The following CPQ variants were observed in gnomAD, a reference collection of about 807,000 sequenced individuals.
CPQ encodes carboxypeptidase Q.
In CPQ, 37 loss-of-function variants were observed where a neutral mutation model predicts 45.7. That is an observed-to-expected ratio of 0.81 (90% CI 0.62 to 1.07). The LOEUF is 1.07. CPQ is among the 50% of genes least tolerant of loss of function. CPQ has a pLI of 0.00. For synonymous variants in CPQ, 186 were observed against 205.8 expected, an observed-to-expected ratio of 0.90 and a Z score of 0.82; for missense variants, 537 against 572.9, an observed-to-expected ratio of 0.94 and a Z score of 0.64.
chr8:97,022,978 GTATATAGTATA>G (rs1586499525), intron 5 of CPQ, among the ~76,000 whole-genome samples: 1 of 45,086 alleles, frequency 2.2e-5, no homozygotes, highest in Non-Finnish European at 7.0e-5. Context: ...TATATATACT[GTATATAGTATA>G]TATATACAGT....
At chr8:96,979,678 A>T (rs915936143) in intron 5 of CPQ, among the ~76,000 whole-genome samples, 1 of 152,154 alleles carries the variant, frequency 6.6e-6, no homozygotes, top group African/African-American at 2.4e-5. Context: ...GGGTTTTTTT[A>T]ATTGCCGTGG....
intron 1 of CPQ, among the ~76,000 whole-genome samples, chr8:96,778,385 G>A (rs1399099505): frequency 6.6e-6 from 1 of 152,046 alleles, no homozygotes; most frequent in Admixed American, 6.6e-5. Flanking sequence ...ATATGATTAT[G>A]CATTCCAGCC....
intron 5 of CPQ, among the ~76,000 whole-genome samples, chr8:97,005,721 T>C (rs1809370147): frequency 6.6e-6 from 1 of 152,144 alleles, no homozygotes; most frequent in Non-Finnish European, 1.5e-5. Flanking sequence ...AGCATATATG[T>C]AACACTAATT....
chr8:96,652,123 A>G (rs1364733944), intron 1 of CPQ, among the ~76,000 whole-genome samples: 1 of 152,042 alleles, frequency 6.6e-6, no homozygotes, highest in Non-Finnish European at 1.5e-5. Flanking sequence ...GGCATTCCCC[A>G]TTTTCCCCAA....
chr8:96,735,594 T>C (rs1201782413), intron 1 of CPQ, among the ~76,000 whole-genome samples: 1 of 152,182 alleles, frequency 6.6e-6, no homozygotes, highest in Non-Finnish European at 1.5e-5. Context: ...AAAAGCTGGG[T>C]CATGTCAACT....
chr8:96,967,311 C>T (rs1411751648), intron 5 of CPQ, among the ~76,000 whole-genome samples: 1 of 152,136 alleles, frequency 6.6e-6, no homozygotes, highest in Non-Finnish European at 1.5e-5. Flanking sequence ...TCTTTAGACC[C>T]ATTTGAATTG....
chr8:96,711,880 C>G (rs942843520), intron 1 of CPQ, among the ~76,000 whole-genome samples: 3 of 152,162 alleles, frequency 2.0e-5, no homozygotes, highest in African/African-American at 7.2e-5. Context: ...AGTCTTAACT[C>G]ATTCCAACAT....
At chr8:96,765,974 G>A (rs1376639943) in intron 1 of CPQ, among the ~76,000 whole-genome samples, 2 of 152,136 alleles carry the variant, frequency 1.3e-5, no homozygotes, top group East Asian at 1.9e-4. Flanking sequence ...GTAATATTGG[G>A]ACCTGTAGGA....
At position 97,098,371 on chromosome 8, in the gene CPQ, A is replaced by G. The variant is rs144053966; in HGVS notation, c.1255+32161A>G. Among the ~76,000 whole-genome samples, 862 of 152,164 alleles carry G rather than the reference A, an allele frequency of 5.7e-3. 6 individuals are homozygous for G. Among genetic ancestry groups the G allele is most frequent in the Non-Finnish European group, 0.01 (711 of 67,998 alleles). ...GTGGCATGTTCTTTCATCAACTCCA[A>G]AGGGCTTTCTCCAGTGCTTTTCCCC... On this transcript the variant is annotated intron_variant, in intron 7 of 7. Transcript: ENST00000220763.
chr8:96,762,915 C>T (rs1810422627), intron 1 of CPQ, among the ~76,000 whole-genome samples: 1 of 151,994 alleles, frequency 6.6e-6, no homozygotes, highest in South Asian at 2.1e-4. Context: ...GCTAGGACTG[C>T]CATAAAGCAT....
chr8:96,726,198 C>T (rs143714469), intron 1 of CPQ, among the ~76,000 whole-genome samples: 8 of 152,156 alleles, frequency 5.3e-5, no homozygotes, highest in Admixed American at 1.3e-4. Context: ...AACAAACCCA[C>T]ACATATGCCC....
rs1356929155 is a variant in CPQ, at chr8:96,784,895, A to T, written c.-3A>T. The T allele has an allele frequency of 6.3e-7, 1 of 1,589,046 alleles. No homozygotes were observed. The highest frequency in any genetic ancestry group is 1.4e-5 in the African/African-American group (1 of 73,056). ...TTAACAAGAAAACCAACTGGAAAAA[A>T]AAATGAAATTCCTTATCTTCGCATT... On this transcript the variant is annotated 5_prime_UTR_variant, in exon 2 of 8. Coordinates refer to ENST00000220763, the MANE Select transcript of CPQ (RefSeq NM_016134.4).
chr8:96,833,199 T>C (rs1219247542), intron 2 of CPQ, among the ~76,000 whole-genome samples: 2 of 152,182 alleles, frequency 1.3e-5, no homozygotes, highest in African/African-American at 4.8e-5. Flanking sequence ...TTCACAGTGA[T>C]AGGTTTTGAC....
intron 5 of CPQ, among the ~76,000 whole-genome samples, chr8:96,970,244 C>A (rs1372539790): frequency 6.6e-6 from 1 of 152,184 alleles, no homozygotes; most frequent in Non-Finnish European, 1.5e-5. Flanking sequence ...TGAAACGAAT[C>A]TGGGACTAGC....
At chr8:96,707,035 A>G (rs1352695842) in intron 1 of CPQ, among the ~76,000 whole-genome samples, 3 of 152,132 alleles carry the variant, frequency 2.0e-5, no homozygotes, top group South Asian at 2.1e-4. Context: ...AGTTATATCT[A>G]TGACATTTTA....
intron 1 of CPQ, among the ~76,000 whole-genome samples, chr8:96,699,703 T>C (rs920539246): frequency 3.9e-5 from 6 of 152,016 alleles, no homozygotes; most frequent in African/African-American, 1.4e-4. Flanking sequence ...CAAACAAATT[T>C]TGAAACATAT....
At chr8:97,069,947 G>C (rs541552926) in intron 7 of CPQ, among the ~76,000 whole-genome samples, 1 of 151,948 alleles carries the variant, frequency 6.6e-6, no homozygotes, top group African/African-American at 2.4e-5. Context: ...AAGACAAAAG[G>C]ATCAATTTAT....
At chr8:96,899,992 TG>T (rs549273577) in intron 4 of CPQ, among the ~76,000 whole-genome samples, 21 of 152,278 alleles carry the variant, frequency 1.4e-4, no homozygotes, top group Admixed American at 6.5e-4. Flanking sequence ...ATGGTCCTTT[TG>T]TTGTTGTTTT....
intron 7 of CPQ, among the ~76,000 whole-genome samples, chr8:97,077,387 C>G (rs1810866632): frequency 6.6e-6 from 1 of 152,220 alleles, no homozygotes; most frequent in Non-Finnish European, 1.5e-5. Flanking sequence ...TTACCAGATA[C>G]TGGCAACACT....
Sources: allele counts gnomAD v4.1 joint callset (sites outside exome capture counted in the v4.1 genomes callset), GRCh38; gene constraint gnomAD v4.1.1; transcripts MANE v1.5; gene names NCBI Gene and HGNC (gene_info 2026-07-23, HGNC 2026-07-21).